KNTC1: variants seen among roughly 807,000 people sequenced by gnomAD.
The protein encoded by KNTC1 is kinetochore-associated protein 1.
In KNTC1, 253 loss-of-function variants were observed where a neutral mutation model predicts 314.4. The observed-to-expected ratio is 0.80, with a 90% CI of 0.73 to 0.89. The LOEUF is 0.89. Among genes scored for constraint, KNTC1 ranks in the 40% least tolerant of loss-of-function variants. KNTC1 has a pLI of 0.00. For missense variants in KNTC1, 2,475 were observed against 2,572.9 expected (o/e 0.96, Z 0.82); for synonymous variants, 901 against 901.4 (o/e 1.00, Z 0.01).
chr12:122,541,326 G>T (rs7969534), intron 5 of KNTC1, among the ~76,000 whole-genome samples: 54,445 of 99,206 alleles, frequency 0.55, 11,944 homozygotes, highest in African/African-American at 0.69. Flanking sequence ...CCTTCCTTCC[G>T]TCCTTCCTCT....
chr12:122,576,044 G>A lies in KNTC1; in HGVS notation c.2586+145G>A, dbSNP rs1426505998. ...TTGTTAGATATGATGTTAATAAGGT[G>A]TTCAGTTATTTATGAGAGTATTTAT... On this transcript the variant is annotated intron_variant, in intron 29 of 63. Transcript: ENST00000333479. The A allele has an allele frequency of 1.6e-5, 17 of 1,066,458 alleles. No individual in the cohort carries two copies. In the East Asian group the frequency reaches 3.9e-4, roughly 24 times the overall value. 66.1% of individuals were successfully genotyped at this position (1,066,458 alleles called of 1,614,324 possible). A position where few individuals can be genotyped will look rare whatever the true frequency, so the allele number is the denominator to read the frequency against.
In KNTC1 at chr12:122,573,074, A is replaced by G; in HGVS notation, c.2139+18A>G. ...TTGAGAAGGTAAAGTCCAGGGTCAT[A>G]AGAATTATTTTGTATATCAAGTTAT... On this transcript the variant is annotated intron_variant, in intron 25 of 63. Coordinates refer to ENST00000333479, the MANE Select transcript of KNTC1 (RefSeq NM_014708.6). The G allele has an allele frequency of 1.2e-6, 2 of 1,613,110 alleles. No individual in the cohort carries two copies. Among genetic ancestry groups the G allele is most frequent in the Non-Finnish European group, 8.5e-7 (1 of 1,179,512 alleles).
Position 122,603,256 on chromosome 12 carries a change from C to T in KNTC1, c.5101+13C>T. Reference sequence around the variant, plus strand: ...GATATCCCTGAAGGTATGAGCTCTTCTTTTAAAATTGTAGTTAAAAAAAAA... The same window carrying T: ...GATATCCCTGAAGGTATGAGCTCTTTTTTTAAAATTGTAGTTAAAAAAAAA... On this transcript the variant is annotated intron_variant, in intron 48 of 63. Coordinates refer to ENST00000333479, the MANE Select transcript of KNTC1 (RefSeq NM_014708.6). 33 of 1,413,604 alleles carry T rather than the reference C, an allele frequency of 2.3e-5. No homozygotes were observed. The highest frequency in any genetic ancestry group is 4.9e-5 in the Admixed American group (2 of 41,048). 87.6% of individuals were successfully genotyped at this position (1,413,604 alleles called of 1,614,324 possible).
chr12:122,530,434 A>T lies in KNTC1; in HGVS notation c.129+242A>T, dbSNP rs963361476. Reference sequence around the variant, plus strand: ...TTTCATGCATACAAAAATATGTGTAAGTTGATACAAAGGATATCTTTTTTT... The same window carrying T: ...TTTCATGCATACAAAAATATGTGTATGTTGATACAAAGGATATCTTTTTTT... On this transcript the variant is annotated intron_variant, in intron 2 of 63. Coordinates refer to ENST00000333479, the MANE Select transcript of KNTC1 (RefSeq NM_014708.6). Among the ~76,000 whole-genome samples, 7 of 152,026 alleles carry T rather than the reference A, an allele frequency of 4.6e-5. No individual in the cohort carries two copies. The East Asian group carries it at 1.2e-3, about 25-fold the overall frequency.
At chr12:122,564,894 C>A (rs749702046) in intron 20 of KNTC1, among the ~76,000 whole-genome samples, 13 of 151,986 alleles carry the variant, frequency 8.6e-5, no homozygotes, top group Non-Finnish European at 1.5e-4. Context: ...GTAAGTATAC[C>A]TCTAATTTTA....
chr12:122,582,288 C>T (rs1044732603), intron 33 of KNTC1, among the ~76,000 whole-genome samples: 7 of 152,076 alleles, frequency 4.6e-5, no homozygotes, highest in Non-Finnish European at 1.0e-4. Context: ...CGTGGTGATG[C>T]GTGCCTGCAG....
In KNTC1 at chr12:122,624,614, G is replaced by A. The variant is rs745779007; in HGVS notation, c.6532G>A (p.Val2178Ile). The A allele has an allele frequency of 1.4e-5, 22 of 1,612,778 alleles. No homozygotes were observed. Among genetic ancestry groups the A allele is most frequent in the Non-Finnish European group, 1.8e-5 (21 of 1,179,008 alleles). ...ATTTTGTAGTTTAGATGAAGCTTCA[G>A]TCTTGATAACTGAATATTCAAAGCA... ...ANDLSLDEASVLITEYSKHCG... is the reference protein window; with the variant it reads ...ANDLSLDEASILITEYSKHCG... Residue 2178 changes from valine to isoleucine, a missense_variant, in exon 63 of 64, where the codon GTC becomes ATC. By Grantham distance (29) the Val-to-Ile change is conservative. Coordinates refer to ENST00000333479, the MANE Select transcript of KNTC1 (RefSeq NM_014708.6).
chr12:122,529,097 G>A (rs1025146076), intron 1 of KNTC1, among the ~76,000 whole-genome samples: 10 of 152,110 alleles, frequency 6.6e-5, no homozygotes, highest in Non-Finnish European at 5.9e-5. Context: ...ACCTGCCTAA[G>A]CCTCCCAAAG....
rs1397602245 is a variant in KNTC1 at position 122,615,053 on chromosome 12, T to A, written c.5940T>A (p.Asn1980Lys). 6.2e-7 allele frequency: 1 copy of A among 1,613,480 alleles called. No homozygotes were observed. Among genetic ancestry groups the A allele is most frequent in the African/African-American group, 1.3e-5 (1 of 75,042 alleles). Reference sequence around the variant, plus strand: ...AAATCTATGACCTGCAGCTTTGGAATGGACTCTTGCAAAAGCTTCTGGGCT... The same window carrying A: ...AAATCTATGACCTGCAGCTTTGGAAAGGACTCTTGCAAAAGCTTCTGGGCT... ...EYKIYDLQLW[N>K]GLLQKLLGFN... The change falls in exon 56 of 64, where the codon AAT (asparagine) becomes AAA (lysine). Residue 1980 changes from asparagine to lysine, a missense_variant. Asn to Lys is a moderately conservative substitution (Grantham distance 94). Coordinates refer to ENST00000333479, the MANE Select transcript of KNTC1 (RefSeq NM_014708.6).
At chr12:122,601,787 GAAA>G (rs1871951404) in intron 45 of KNTC1, 162 bp downstream of exon 45, 1 of 766,660 alleles carries the variant, frequency 1.3e-6, no homozygotes, top group African/African-American at 1.8e-5. Flanking sequence ...TTTAAAAAAA[GAAA>G]AAGATTTTCA....
At chr12:122,605,199 A>ATATACT (rs146383155) in intron 50 of KNTC1, 107 bp from the exon 51 acceptor site, 96,175 of 1,032,652 alleles carry the variant, frequency 0.093, 6,300 homozygotes, top group African/African-American at 0.23. Context: ...TTATATATGT[A>ATATACT]TATACTTATA....
At chr12:122,618,461 G>GTTTTTTTTTTTTTTTTTTT (rs139890796) in intron 58 of KNTC1, 21 bp from the exon 59 acceptor site, 6 of 1,559,410 alleles carry the variant, frequency 3.8e-6, no homozygotes, top group Non-Finnish European at 2.6e-6. Flanking sequence ...TATCATGGTT[G>GTTTTTTTTTTTTTTTTTTT]TTTTTTTGTT....
At chr12:122,575,933 T>C (rs992859834) in intron 29 of KNTC1, 34 bp downstream of exon 29, 1 of 1,561,330 alleles carries the variant, frequency 6.4e-7, no homozygotes, top group African/African-American at 1.4e-5. Context: ...TTTTTTCTCT[T>C]TCATTTCTGG....
At chr12:122,587,068 C>T (rs1869453306) in intron 38 of KNTC1, among the ~76,000 whole-genome samples, 2 of 152,068 alleles carry the variant, frequency 1.3e-5, no homozygotes. Flanking sequence ...CCACCCGCCT[C>T]AGCCTCCCAA....
At chr12:122,568,441 G>C in intron 21 of KNTC1, 69 bp downstream of exon 21, 1 of 871,738 alleles carries the variant, frequency 1.1e-6, no homozygotes, top group East Asian at 2.4e-5. Context: ...ATCAATGTTG[G>C]AGACTAACAA....
At chr12:122,592,157 T>C (rs1870320522) in intron 42 of KNTC1, among the ~76,000 whole-genome samples, 1 of 152,204 alleles carries the variant, frequency 6.6e-6, no homozygotes, top group Non-Finnish European at 1.5e-5. Flanking sequence ...AGTGAGGGGC[T>C]TAGCACCCGG....
Position 122,542,134 on chromosome 12 carries a change from AATAC to A in KNTC1, c.523+10_523+13del. 7.0e-7 allele frequency: 1 copy of A among 1,431,150 alleles called. No homozygotes were observed. Among genetic ancestry groups the A allele is most frequent in the South Asian group, 1.3e-5 (1 of 77,730 alleles). 88.7% of individuals were successfully genotyped at this position (1,431,150 alleles called of 1,614,324 possible). On this transcript the variant is annotated splice_region_variant and intron_variant, in intron 6 of 63. Transcript: ENST00000333479. ...CTTTTAAAAATTCAACAAGGTAAGT[AATAC>A]ATTATATTTTTATTATTGATTTGCA...
chr12:122,528,707 T>C (rs1351518391), intron 1 of KNTC1, among the ~76,000 whole-genome samples: 1 of 152,240 alleles, frequency 6.6e-6, no homozygotes, highest in Non-Finnish European at 1.5e-5. Flanking sequence ...AGTATTTGCA[T>C]GTAGCCTAGG....
At chr12:122,589,549 C>T (rs575875948) in intron 40 of KNTC1, among the ~76,000 whole-genome samples, 286 of 150,190 alleles carry the variant, frequency 1.9e-3, no homozygotes, top group Non-Finnish European at 2.8e-3. Flanking sequence ...TAGCTTACTG[C>T]AGCCTTGAAC....
Sources: allele counts gnomAD v4.1 joint callset (sites outside exome capture counted in the v4.1 genomes callset), GRCh38; gene constraint gnomAD v4.1.1; transcripts MANE v1.5; gene names NCBI Gene and HGNC (gene_info 2026-07-23, HGNC 2026-07-21).